The following GALNTL6 variants were observed in gnomAD, a reference collection of about 807,000 sequenced individuals.
The protein encoded by GALNTL6 is polypeptide N-acetylgalactosaminyltransferase like 6.
Under a neutral mutation model 73.7 loss-of-function variants are expected in GALNTL6, and 46 were observed. The ratio of observed to expected loss-of-function variants is 0.62; its 90% CI spans 0.49 to 0.80. The LOEUF (loss-of-function observed/expected upper bound fraction) is 0.80. Ranked by LOEUF, GALNTL6 falls within the 30% of genes least tolerant of loss-of-function variation. The pLI is 0.00. For missense variants in GALNTL6, 604 were observed against 755.0 expected, an observed-to-expected ratio of 0.80 and a Z score of 2.34; for synonymous variants, 259 against 263.7, an observed-to-expected ratio of 0.98 and a Z score of 0.17.
chr4:172,556,818 T>G (rs1473788852), intron 5 of GALNTL6, among the ~76,000 whole-genome samples: 1 of 151,292 alleles, frequency 6.6e-6, no homozygotes, highest in African/African-American at 2.4e-5. Context: ...AAGGGAGAAT[T>G]TGAGCAATAA....
At chr4:172,381,392 A>G (rs1743280037) in intron 5 of GALNTL6, among the ~76,000 whole-genome samples, 1 of 152,104 alleles carries the variant, frequency 6.6e-6, no homozygotes, top group Non-Finnish European at 1.5e-5. Flanking sequence ...ATCACCCCCA[A>G]AAGGAACCCC....
intron 5 of GALNTL6, among the ~76,000 whole-genome samples, chr4:172,592,610 G>C (rs1737680688): frequency 6.6e-6 from 1 of 152,050 alleles, no homozygotes. Context: ...TAAAGTTTGA[G>C]AGCCATTTTA....
chr4:172,662,136 A>C (rs749104295), intron 5 of GALNTL6, among the ~76,000 whole-genome samples: 49 of 152,144 alleles, frequency 3.2e-4, no homozygotes, highest in Middle Eastern at 3.4e-3. Context: ...TTTGAGAAGC[A>C]GCTGGCTTAA....
chr4:172,236,476 C>A (rs994532222), intron 3 of GALNTL6, among the ~76,000 whole-genome samples: 1 of 150,460 alleles, frequency 6.6e-6, no homozygotes, highest in Non-Finnish European at 1.5e-5. Flanking sequence ...AGGAGAATGG[C>A]ATGAACCCGG....
At chr4:171,993,461 A>ATGATTATCTGAGGAG in intron 2 of GALNTL6, among the ~76,000 whole-genome samples, 1 of 152,232 alleles carries the variant, frequency 6.6e-6, no homozygotes, top group East Asian at 1.9e-4. Flanking sequence ...TGTCATGCTA[A>ATGATTATCTGAGGAG]TGATTATCTG....
intron 5 of GALNTL6, among the ~76,000 whole-genome samples, chr4:172,603,362 C>T (rs1412283419): frequency 6.6e-6 from 1 of 152,126 alleles, no homozygotes; most frequent in East Asian, 1.9e-4. Flanking sequence ...CTAACAGAAG[C>T]AGCATGTCAC....
rs75664247 is a variant in GALNTL6 at position 171,978,669 on chromosome 4, A to G, written c.138+163951A>G. ...GTTTTCTAAATTATTCCAAGCTAGG[A>G]AAAGAAAAATTAAGTCCTCAGTCTT... On this transcript the variant is annotated intron_variant, in intron 2 of 12. Transcript: ENST00000506823. Among the ~76,000 whole-genome samples, 271 of 152,340 alleles carry G rather than the reference A, an allele frequency of 1.8e-3. 3 individuals carry two copies. Among genetic ancestry groups the G allele is most frequent in the Admixed American group, 0.012 (189 of 15,302 alleles).
chr4:172,603,407 T>A (rs1560830616), intron 5 of GALNTL6, among the ~76,000 whole-genome samples: 1 of 152,192 alleles, frequency 6.6e-6, no homozygotes, highest in Non-Finnish European at 1.5e-5. Flanking sequence ...GCAGGCCATT[T>A]TACCAAGGCC....
chr4:172,228,098 G>C (rs1727019359), intron 2 of GALNTL6, among the ~76,000 whole-genome samples: 1 of 152,044 alleles, frequency 6.6e-6, no homozygotes, highest in South Asian at 2.1e-4. Flanking sequence ...TTGTATAGCT[G>C]AGTTCAAAAA....
chr4:172,594,576 T>TA (rs1292888908), intron 5 of GALNTL6, among the ~76,000 whole-genome samples: 1 of 152,160 alleles, frequency 6.6e-6, no homozygotes, highest in Non-Finnish European at 1.5e-5. Flanking sequence ...TCTTGTTTTT[T>TA]AAAAAACACA....
At chr4:172,342,089 T>G (rs1741587672) in intron 4 of GALNTL6, among the ~76,000 whole-genome samples, 1 of 152,124 alleles carries the variant, frequency 6.6e-6, no homozygotes, top group Admixed American at 6.5e-5. Flanking sequence ...GAGCCTCTAT[T>G]CACATGACAG....
chr4:172,186,707 T>C (rs867467233), intron 2 of GALNTL6, among the ~76,000 whole-genome samples: 1 of 152,082 alleles, frequency 6.6e-6, no homozygotes, highest in Non-Finnish European at 1.5e-5. Context: ...ATTTCATTTA[T>C]ATGAAATATG....
intron 5 of GALNTL6, among the ~76,000 whole-genome samples, chr4:172,501,591 C>T (rs1734262565): frequency 1.3e-5 from 2 of 152,042 alleles, no homozygotes; most frequent in African/African-American, 4.8e-5. Context: ...TAAGTATGTA[C>T]TTACAGGAGA....
intron 5 of GALNTL6, among the ~76,000 whole-genome samples, chr4:172,735,678 C>A (rs1487218617): frequency 1.3e-5 from 2 of 152,102 alleles, no homozygotes; most frequent in African/African-American, 4.8e-5. Flanking sequence ...GCTTCCAAAT[C>A]TCATCTTGAA....
chr4:172,209,777 T>C (rs1232575284), intron 2 of GALNTL6, among the ~76,000 whole-genome samples: 2 of 152,084 alleles, frequency 1.3e-5, no homozygotes, highest in African/African-American at 4.8e-5. Flanking sequence ...TTTATTGAAA[T>C]TTATATTTGC....
At position 171,814,952 on chromosome 4, in the gene GALNTL6, A is replaced by G. The variant is rs1192786921; in HGVS notation, c.138+234A>G. The G allele has an allele frequency of 2.7e-5, 15 of 565,244 alleles. No homozygotes were observed. The Middle Eastern group carries it at 1.4e-3, about 51-fold the overall frequency. The allele number at this position is 565,244 out of a possible 1,614,324, so 35.0% of individuals were successfully genotyped here. On this transcript the variant is annotated intron_variant, in intron 2 of 12. Coordinates refer to ENST00000506823, the MANE Select transcript of GALNTL6 (RefSeq NM_001034845.3). ...AAGAAGGATAAGACAGGTCAAGAAG[A>G]AGAGAAGATAATCTTTCACCATTGG...
chr4:172,827,492 T>C (rs947983691), intron 7 of GALNTL6, among the ~76,000 whole-genome samples: 11 of 152,174 alleles, frequency 7.2e-5, no homozygotes, highest in African/African-American at 2.2e-4. Context: ...AGGGAGGAAG[T>C]GGGGACAATC....
At chr4:172,066,423 T>C (rs1202391480) in intron 2 of GALNTL6, among the ~76,000 whole-genome samples, 2 of 152,224 alleles carry the variant, frequency 1.3e-5, no homozygotes, top group African/African-American at 4.8e-5. Flanking sequence ...TTCATGACTT[T>C]CTTTGCTTTA....
chr4:172,976,866 C>T (rs1382269316), intron 10 of GALNTL6, among the ~76,000 whole-genome samples: 2 of 151,972 alleles, frequency 1.3e-5, no homozygotes, highest in Non-Finnish European at 2.9e-5. Flanking sequence ...AACTAAAATG[C>T]ACAGGAGGCT....
Sources: allele counts gnomAD v4.1 joint callset (sites outside exome capture counted in the v4.1 genomes callset), GRCh38; gene constraint gnomAD v4.1.1; transcripts MANE v1.5; gene names NCBI Gene and HGNC (gene_info 2026-07-23, HGNC 2026-07-21).